Variants in CNTN4 observed in about 807,000 individuals in gnomAD.
The protein encoded by CNTN4 is contactin 4, also known as contactin-4.
Under a neutral mutation model 122.5 loss-of-function variants are expected in CNTN4, and 77 were observed. The ratio of observed to expected loss-of-function variants is 0.63; its 90% CI spans 0.52 to 0.76. CNTN4 has a LOEUF of 0.76. CNTN4 is among the 30% of genes least tolerant of loss of function. CNTN4 has a pLI of 0.00. For missense variants in CNTN4, 1,256 were observed against 1,259.1 expected (o/e 1.00, Z 0.04); for synonymous variants, 512 against 447.0 (o/e 1.15, Z -1.83).
intron 2 of CNTN4, among the ~76,000 whole-genome samples, chr3:2,153,780 T>C (rs1205950849): frequency 6.6e-6 from 1 of 152,198 alleles, no homozygotes; most frequent in Non-Finnish European, 1.5e-5. Flanking sequence ...AGGCTATTTC[T>C]GTTTCCTAGG....
At chr3:2,580,995 C>T (rs1187586908) in intron 4 of CNTN4, among the ~76,000 whole-genome samples, 2 of 152,162 alleles carry the variant, frequency 1.3e-5, no homozygotes, top group African/African-American at 4.8e-5. Flanking sequence ...AATTGAGTAC[C>T]TGTCTTCATA....
intron 5 of CNTN4, among the ~76,000 whole-genome samples, chr3:2,739,056 A>G (rs1242525673): frequency 6.6e-6 from 1 of 152,180 alleles, no homozygotes; most frequent in Non-Finnish European, 1.5e-5. Flanking sequence ...AATGTAAAAA[A>G]CAACCTAGTG....
chr3:2,124,435 C>CAG (rs2033998144), intron 2 of CNTN4, among the ~76,000 whole-genome samples: 1 of 97,414 alleles, frequency 1.0e-5, no homozygotes, highest in Admixed American at 1.0e-4. Context: ...TTATTTAAAA[C>CAG]ACACACACAC....
intron 2 of CNTN4, among the ~76,000 whole-genome samples, chr3:2,133,183 C>G (rs2034530618): frequency 6.6e-6 from 1 of 152,124 alleles, no homozygotes; most frequent in Non-Finnish European, 1.5e-5. Context: ...TCCCTCCTGT[C>G]TGTAATTAAT....
intron 7 of CNTN4, among the ~76,000 whole-genome samples, chr3:2,842,938 G>A (rs902197272): frequency 6.6e-6 from 1 of 151,822 alleles, no homozygotes; most frequent in Non-Finnish European, 1.5e-5. Context: ...CAAGACCCAG[G>A]CCTTTATCTC....
intron 3 of CNTN4, among the ~76,000 whole-genome samples, chr3:2,346,763 T>A (rs1419541733): frequency 2.0e-5 from 3 of 152,210 alleles, no homozygotes; most frequent in African/African-American, 7.2e-5. Context: ...TTTAAGATAT[T>A]TCTTACATTT....
chr3:2,912,634 G>A (rs965181624), intron 12 of CNTN4, among the ~76,000 whole-genome samples: 43 of 152,272 alleles, frequency 2.8e-4, no homozygotes, highest in African/African-American at 9.9e-4. Flanking sequence ...GTTAATAACT[G>A]TACAGTATAA....
At chr3:2,378,285 T>C (rs916316960) in intron 3 of CNTN4, among the ~76,000 whole-genome samples, 1 of 152,214 alleles carries the variant, frequency 6.6e-6, no homozygotes, top group African/African-American at 2.4e-5. Flanking sequence ...GCTGTTTCAG[T>C]ATGGGCCTTC....
chr3:3,035,225 T>G (rs1339322841), intron 17 of CNTN4, among the ~76,000 whole-genome samples: 2 of 150,964 alleles, frequency 1.3e-5, no homozygotes, highest in African/African-American at 4.9e-5. Context: ...GGAGGATTGC[T>G]TGAGCCCAGG....
intron 13 of CNTN4, among the ~76,000 whole-genome samples, chr3:2,974,740 A>T (rs148590651): frequency 1.3e-5 from 2 of 152,146 alleles, no homozygotes; most frequent in East Asian, 3.9e-4. Flanking sequence ...TTTTAACTGG[A>T]CCGTGACAGT....
At chr3:2,906,699 C>A (rs981646963) in intron 12 of CNTN4, among the ~76,000 whole-genome samples, 2 of 151,562 alleles carry the variant, frequency 1.3e-5, no homozygotes, top group Admixed American at 6.6e-5. Context: ...TATAAATTAG[C>A]CGAGCATGGT....
rs150468997 is a variant in CNTN4, at chr3:2,314,919, GTTA to G, written c.-144-24254_-144-24252del. ...GTTAATCAATGAACTGTTCATTTAA[GTTA>G]TTATATCATGTTTCAGGTATCAAAT... On this transcript the variant is annotated intron_variant, in intron 2 of 24. Transcript: ENST00000418658. 3.0e-3 allele frequency among the ~76,000 whole-genome samples: 463 copies of G among 152,044 alleles called. 2 individuals are homozygous for G. The highest frequency in any genetic ancestry group is 0.01 in the African/African-American group (433 of 41,520).
At chr3:2,797,597 TCAAAAA>T (rs528308254) in intron 6 of CNTN4, among the ~76,000 whole-genome samples, 128 of 152,178 alleles carry the variant, frequency 8.4e-4, no homozygotes, top group Middle Eastern at 6.8e-3. Context: ...AAACTCCGCC[TCAAAAA>T]CAAAAACAAA....
intron 4 of CNTN4, among the ~76,000 whole-genome samples, chr3:2,640,249 C>A (rs1276657586): frequency 6.6e-6 from 1 of 152,136 alleles, no homozygotes; most frequent in Non-Finnish European, 1.5e-5. Context: ...AAAGCAAACA[C>A]CAACATATTA....
chr3:2,400,428 C>CATACATATATATATATAT (rs1156582228), intron 3 of CNTN4, among the ~76,000 whole-genome samples: 1 of 95,824 alleles, frequency 1.0e-5, no homozygotes, highest in Admixed American at 1.2e-4. Flanking sequence ...TATATATATA[C>CATACATATATATATATAT]ATATATATAT....
At chr3:2,228,844 T>C (rs911029976) in intron 2 of CNTN4, among the ~76,000 whole-genome samples, 1 of 152,118 alleles carries the variant, frequency 6.6e-6, no homozygotes, top group African/African-American at 2.4e-5. Flanking sequence ...ATTGGGTTGA[T>C]TGATTTGATG....
chr3:2,235,149 T>G (rs2039632616), intron 2 of CNTN4, among the ~76,000 whole-genome samples: 1 of 152,208 alleles, frequency 6.6e-6, no homozygotes, highest in Admixed American at 6.5e-5. Context: ...GGATTTATTT[T>G]TGCCTGTTCT....
At chr3:2,574,416 G>T (rs2079567601) in intron 4 of CNTN4, among the ~76,000 whole-genome samples, 2 of 152,022 alleles carry the variant, frequency 1.3e-5, no homozygotes, top group South Asian at 4.1e-4. Flanking sequence ...CCCCAAGTAA[G>T]ACAGGATCCA....
intron 4 of CNTN4, among the ~76,000 whole-genome samples, chr3:2,596,970 A>G (rs934458356): frequency 2.6e-5 from 4 of 151,520 alleles, no homozygotes; most frequent in Admixed American, 2.0e-4. Flanking sequence ...TTTTTTTTTT[A>G]AATTTGAGTT....
Sources: gnomAD v4.1 joint callset for allele counts (sites outside exome capture counted in the v4.1 genomes callset) on GRCh38, gnomAD v4.1.1 for gene constraint, MANE v1.5 for transcripts, NCBI Gene and HGNC (gene_info 2026-07-23, HGNC 2026-07-21) for gene names.